Variants in ALDH1A3 observed in about 807,000 individuals in gnomAD.
ALDH1A3 encodes retinaldehyde dehydrogenase 3.
Under a neutral mutation model 57.5 loss-of-function variants are expected in ALDH1A3, and 28 were observed. That is an observed-to-expected ratio of 0.49 (90% confidence interval 0.36 to 0.67). The LOEUF is 0.67. ALDH1A3 is among the 30% of genes least tolerant of loss of function. The pLI, the probability that ALDH1A3 is intolerant of heterozygous loss-of-function variation, is 0.00. For missense variants in ALDH1A3, 507 were observed against 669.4 expected (o/e 0.76, Z 2.68); for synonymous variants, 281 against 264.8 (o/e 1.06, Z -0.59).
chr15:100,898,228 T>C, intron 8 of ALDH1A3, 43 bp downstream of exon 8: 1 of 1,532,582 alleles, frequency 6.5e-7, no homozygotes, highest in Non-Finnish European at 9.0e-7. Flanking sequence ...CTTCAGGGCA[T>C]CCATCTGTCT....
chr15:100,888,411 A>C (rs1302876643), intron 3 of ALDH1A3: 1 of 152,208 alleles, frequency 6.6e-6, no homozygotes, highest in Admixed American at 6.5e-5. Context: ...ACCCAGCCTT[A>C]ACTCCCTTTT....
intron 11 of ALDH1A3, 34 bp from the exon 12 acceptor site, chr15:100,908,374 A>C: frequency 6.3e-7 from 1 of 1,588,176 alleles, no homozygotes; most frequent in Non-Finnish European, 8.6e-7. Flanking sequence ...GGTCTTCTCC[A>C]GATGACTCTG....
At chr15:100,907,844 C>CTTTTTTTTTTTTTTTTTTTTTTTT (rs71151987) in intron 11 of ALDH1A3, among the ~76,000 whole-genome samples, 1 of 81,910 alleles carries the variant, frequency 1.2e-5, no homozygotes. Flanking sequence ...TTCTTTCTTT[C>CTTTTTTTTTTTTTTTTTTTTTTTT]TTTTTTTTTT....
intron 9 of ALDH1A3, among the ~76,000 whole-genome samples, chr15:100,901,763 G>A (rs1403491943): frequency 2.0e-5 from 3 of 152,262 alleles, no homozygotes; most frequent in African/African-American, 7.2e-5. Context: ...CTAGGTGGCA[G>A]TGAGTGTCTG....
chr15:100,885,229 A>G, intron 1 of ALDH1A3, 38 bp from the exon 2 acceptor site: 1 of 1,427,716 alleles, frequency 7.0e-7, no homozygotes, highest in Non-Finnish European at 9.9e-7. Flanking sequence ...TATGATTTTG[A>G]TCTAAACCTA....
chr15:100,908,361 G>T, intron 11 of ALDH1A3, 47 bp from the exon 12 acceptor site: 1 of 1,540,870 alleles, frequency 6.5e-7, no homozygotes, highest in East Asian at 2.2e-5. Flanking sequence ...CCAGGAGCCA[G>T]GGGGTCTTCT....
chr15:100,897,983 C>T lies in ALDH1A3; in HGVS notation c.781-100C>T. On this transcript the variant is annotated intron_variant, in intron 7 of 12. Coordinates refer to ENST00000329841, the MANE Select transcript of ALDH1A3 (RefSeq NM_000693.4). ...GCCTGGGCCGAGAGCCAGGTGGTGG[C>T]ACTGCCACCCGGGCTTGATCAGAAT... is the stretch of plus-strand genomic sequence containing the variant. 2.7e-6 allele frequency: 3 copies of T among 1,114,884 alleles called. No homozygotes were observed. In the South Asian group the frequency reaches 4.2e-5, roughly 16 times the overall value. 69.1% of individuals were successfully genotyped at this position (1,114,884 alleles called of 1,614,324 possible). A position where few individuals can be genotyped will look rare whatever the true frequency, so the allele number is the denominator to read the frequency against.
Position 100,893,868 on chromosome 15 carries a change from G to C in ALDH1A3, c.538-86G>C, listed in dbSNP as rs888625496. 2.6e-6 allele frequency: 4 copies of C among 1,526,002 alleles called. No individual in the cohort carries two copies. In the African/African-American group the frequency reaches 5.5e-5, roughly 21 times the overall value. 94.5% of individuals were successfully genotyped at this position (1,526,002 alleles called of 1,614,324 possible). ...CCCAAATCCAGACCATGAAAAGCAAGTGTCCTCCACAAAGGCATCGTTGAG... is the reference window on the plus strand; with the variant it reads ...CCCAAATCCAGACCATGAAAAGCAACTGTCCTCCACAAAGGCATCGTTGAG... On this transcript the variant is annotated intron_variant, in intron 5 of 12. Coordinates refer to ENST00000329841, the MANE Select transcript of ALDH1A3 (RefSeq NM_000693.4). The surrounding 1 kb of genome is among the most constrained non-coding windows in gnomAD (Gnocchi z 4.8).
In ALDH1A3 at chr15:100,916,561, C is replaced by T. The variant is rs1044071802; in HGVS notation, c.*1788C>T. 2 of 152,184 alleles carry T rather than the reference C, an allele frequency of 1.3e-5. No homozygotes were observed. The highest frequency in any genetic ancestry group is 2.4e-5 in the African/African-American group (1 of 41,420). 9.4% of individuals were successfully genotyped at this position (152,184 alleles called of 1,614,324 possible). On this transcript the variant is annotated 3_prime_UTR_variant, in exon 13 of 13. Coordinates refer to ENST00000329841, the MANE Select transcript of ALDH1A3 (RefSeq NM_000693.4). Reference sequence around the variant, plus strand: ...TAAAAATCTATAGGCCTGGGAATTCCGATCCTAGCTGCAGATCGCATCCCA... The same window carrying T: ...TAAAAATCTATAGGCCTGGGAATTCTGATCCTAGCTGCAGATCGCATCCCA...
Position 100,885,379 on chromosome 15 carries a change from C to G in ALDH1A3, c.204+8C>G. 6.3e-7 allele frequency: 1 copy of G among 1,585,940 alleles called. No homozygotes were observed. The highest frequency in any genetic ancestry group is 8.7e-7 in the Non-Finnish European group (1 of 1,154,716). On this transcript the variant is annotated splice_region_variant and intron_variant, in intron 2 of 12. Coordinates refer to ENST00000329841, the MANE Select transcript of ALDH1A3 (RefSeq NM_000693.4). ...GTGGAAGAAGGAGATAAGGTAAATA[C>G]TTAAAATAAATTTGCTCTAAGTAAT... is the stretch of plus-strand genomic sequence containing the variant.
intron 12 of ALDH1A3, among the ~76,000 whole-genome samples, chr15:100,911,554 T>C (rs1192975281): frequency 6.6e-6 from 1 of 152,248 alleles, no homozygotes; most frequent in African/African-American, 2.4e-5. Context: ...GCATCTTTGA[T>C]TCACCAGGCA....
At position 100,894,185 on chromosome 15, in the gene ALDH1A3, T is replaced by A. The variant is rs2041678436; in HGVS notation, c.666+103T>A. ...TGGGACAGTGGCAGACTGCTGGCAATCGAGTGGGAAGGGAATGACTTCCAG... is the reference window on the plus strand; with the variant it reads ...TGGGACAGTGGCAGACTGCTGGCAAACGAGTGGGAAGGGAATGACTTCCAG... On this transcript the variant is annotated intron_variant, in intron 6 of 12. Coordinates refer to ENST00000329841, the MANE Select transcript of ALDH1A3 (RefSeq NM_000693.4). The surrounding 1 kb of genome is among the most constrained non-coding windows in gnomAD (Gnocchi z 4.5). 1 of 1,428,124 alleles carries A rather than the reference T, an allele frequency of 7.0e-7. No homozygotes were observed. Among genetic ancestry groups the A allele is most frequent in the Non-Finnish European group, 9.5e-7 (1 of 1,047,550 alleles). 88.5% of individuals were successfully genotyped at this position (1,428,124 alleles called of 1,614,324 possible).
rs2041529766 is a variant in ALDH1A3 at position 100,880,018 on chromosome 15, G to T, written c.99+12G>T. 4 of 1,449,882 alleles carry T rather than the reference G, an allele frequency of 2.8e-6. No homozygotes were observed. Among genetic ancestry groups the T allele is most frequent in the African/African-American group, 1.5e-5 (1 of 67,854 alleles). The allele number at this position is 1,449,882 out of a possible 1,614,324, so 89.8% of individuals were successfully genotyped here. Reference sequence around the variant, plus strand: ...TCAAGTTCACCAAGGTGAGGCGGGCGCCCCTCCCACCCGACGGCCGCGGGC... The same window carrying T: ...TCAAGTTCACCAAGGTGAGGCGGGCTCCCCTCCCACCCGACGGCCGCGGGC... On this transcript the variant is annotated intron_variant, in intron 1 of 12. Transcript: ENST00000329841.
In ALDH1A3 at chr15:100,897,642, C is replaced by T. The variant is rs2041720828; in HGVS notation, c.781-441C>T. On this transcript the variant is annotated intron_variant, in intron 7 of 12. Transcript: ENST00000329841. ...GTTCCCTCAGATCACACCAAAGAGC[C>T]ACACAGAACCACCCCCCTACTGGGC... 2.0e-5 allele frequency among the ~76,000 whole-genome samples: 3 copies of T among 152,242 alleles called. No homozygotes were observed. The South Asian group carries it at 6.2e-4, about 32-fold the overall frequency.
chr15:100,912,630 G>A (rs2041891754), intron 12 of ALDH1A3, among the ~76,000 whole-genome samples: 1 of 152,072 alleles, frequency 6.6e-6, no homozygotes, highest in African/African-American at 2.4e-5. Context: ...TTTGTTTTAG[G>A]AAATGACCTA....
intron 11 of ALDH1A3, 74 bp downstream of exon 11, chr15:100,907,352 A>G (rs975693090): frequency 4.0e-6 from 6 of 1,506,894 alleles, no homozygotes; most frequent in Non-Finnish European, 3.6e-6. Flanking sequence ...CTATTAACTG[A>G]GAGTTTCTCA....
chr15:100,909,125 C>T (rs1272252555), intron 12 of ALDH1A3, among the ~76,000 whole-genome samples: 2 of 136,658 alleles, frequency 1.5e-5, no homozygotes, highest in African/African-American at 2.8e-5. Flanking sequence ...TGCAAACCCA[C>T]TGCAAACCCC....
chr15:100,911,684 A>T (rs565603834), intron 12 of ALDH1A3, among the ~76,000 whole-genome samples: 1 of 152,312 alleles, frequency 6.6e-6, no homozygotes, highest in African/African-American at 2.4e-5. Flanking sequence ...TTGAACTGCA[A>T]AGTGGTTGAG....
At chr15:100,886,223 G>A (rs997011611) in intron 2 of ALDH1A3, among the ~76,000 whole-genome samples, 1 of 152,236 alleles carries the variant, frequency 6.6e-6, no homozygotes, top group South Asian at 2.1e-4. Flanking sequence ...ACCCCCCTCT[G>A]TGTGGCACCT....
Sources: allele counts gnomAD v4.1 joint callset (sites outside exome capture counted in the v4.1 genomes callset), GRCh38; gene constraint gnomAD v4.1.1; non-coding constraint Gnocchi (gnomAD v3.1); transcripts MANE v1.5; gene names NCBI Gene and HGNC (gene_info 2026-07-23, HGNC 2026-07-21).